The following TMEM132D variants were observed in gnomAD, a reference collection of about 807,000 sequenced individuals.
TMEM132D encodes the protein transmembrane protein 132D.
TMEM132D carries 21 observed loss-of-function variants against 62.3 expected under a neutral mutation model. That is an observed-to-expected ratio of 0.34 (90% CI 0.24 to 0.49). The LOEUF (loss-of-function observed/expected upper bound fraction) is 0.49, where lower values mean the gene tolerates loss of function less well. Among genes scored for constraint, TMEM132D ranks in the 20% least tolerant of loss-of-function variants. TMEM132D has a pLI of 0.99. For synonymous variants in TMEM132D, 621 were observed against 575.6 expected, an observed-to-expected ratio of 1.08 and a Z score of -1.13; for missense variants, 1,346 against 1,402.8, an observed-to-expected ratio of 0.96 and a Z score of 0.65.
chr12:129,341,695 A>G (rs1417931039), intron 3 of TMEM132D, among the ~76,000 whole-genome samples: 1 of 152,256 alleles, frequency 6.6e-6, no homozygotes, highest in Non-Finnish European at 1.5e-5. Flanking sequence ...GAAGTTGCTT[A>G]TCAGCTTGAG....
Position 129,881,355 on chromosome 12 carries a change from T to C in TMEM132D, c.79+21906A>G, listed in dbSNP as rs540313388. On this transcript the variant is annotated intron_variant, in intron 1 of 8. Coordinates refer to ENST00000422113, the MANE Select transcript of TMEM132D (RefSeq NM_133448.3). The stretch of plus-strand genomic sequence containing the variant: ...ATCTGGTATGAACCAACTCATCTAA[T>C]TGACATTTACAGAGCACTCCTCACA... 1.8e-4 allele frequency among the ~76,000 whole-genome samples: 28 copies of C among 152,156 alleles called. 1 individual carries two copies. Among genetic ancestry groups the C allele is most frequent in the Admixed American group, 9.2e-4 (14 of 15,284 alleles).
chr12:129,349,680 A>G (rs1869804301), intron 3 of TMEM132D, among the ~76,000 whole-genome samples: 1 of 152,214 alleles, frequency 6.6e-6, no homozygotes, highest in Non-Finnish European at 1.5e-5. Flanking sequence ...AAGATCGGCA[A>G]GTAGGTTATA....
chr12:129,588,748 C>CTTTTTTTT (rs869239504), intron 2 of TMEM132D, among the ~76,000 whole-genome samples: 1 of 34,340 alleles, frequency 2.9e-5, no homozygotes, highest in African/African-American at 9.4e-5. Flanking sequence ...CTATTTTTTT[C>CTTTTTTTT]TTTTTTTTTT....
At chr12:129,103,112 G>A (rs1875369387) in intron 5 of TMEM132D, among the ~76,000 whole-genome samples, 1 of 152,166 alleles carries the variant, frequency 6.6e-6, no homozygotes, top group South Asian at 2.1e-4. Context: ...ATCAGCATAT[G>A]TTTGATTTAC....
chr12:129,589,667 GGCTGCTT>G (rs1025738805), intron 2 of TMEM132D, among the ~76,000 whole-genome samples: 4 of 152,154 alleles, frequency 2.6e-5, no homozygotes, highest in African/African-American at 9.7e-5. Context: ...TCCTTTGGTT[GGCTGCTT>G]GATGACTTGT....
chr12:129,589,247 T>C (rs753802342), intron 2 of TMEM132D, among the ~76,000 whole-genome samples: 29 of 152,200 alleles, frequency 1.9e-4, no homozygotes, highest in Admixed American at 2.0e-4. Context: ...GATCTGATGG[T>C]TTTATGAGGG....
At chr12:129,853,588 C>T (rs759953956) in intron 1 of TMEM132D, 4 of 152,114 alleles carry the variant, frequency 2.6e-5, no homozygotes, top group South Asian at 2.1e-4. Flanking sequence ...TAACTGGAAC[C>T]GATGGTTTGA....
chr12:129,556,437 T>A (rs1264918164), intron 2 of TMEM132D, among the ~76,000 whole-genome samples: 1 of 151,308 alleles, frequency 6.6e-6, no homozygotes, highest in Non-Finnish European at 1.5e-5. Flanking sequence ...CTGGTTCTTA[T>A]CATGTCTTCC....
chr12:129,349,950 C>A (rs773381939), intron 3 of TMEM132D, among the ~76,000 whole-genome samples: 1 of 152,188 alleles, frequency 6.6e-6, no homozygotes, highest in Non-Finnish European at 1.5e-5. Context: ...GGAGGTCAGT[C>A]TTCGGGGAAA....
chr12:129,235,322 G>T (rs1352596979), intron 4 of TMEM132D, among the ~76,000 whole-genome samples: 3 of 151,144 alleles, frequency 2.0e-5, no homozygotes, highest in African/African-American at 7.3e-5. Context: ...CCATAATCCA[G>T]ATTTAGAATA....
At chr12:129,623,417 G>A (rs1249973856) in intron 2 of TMEM132D, among the ~76,000 whole-genome samples, 1 of 151,750 alleles carries the variant, frequency 6.6e-6, no homozygotes, top group East Asian at 1.9e-4. Flanking sequence ...GGTGATTTTT[G>A]TATCCTTCAT....
In TMEM132D at chr12:129,415,582, G is replaced by C. The variant is rs1393885431; in HGVS notation, c.1116-77765C>G. The stretch of plus-strand genomic sequence containing the variant: ...AGGAACTGTGACTCACAAGATGCCT[G>C]CTGTGATCAGGCCAAAGTGGAAGTG... On this transcript the variant is annotated intron_variant, in intron 3 of 8. Transcript: ENST00000422113. Among the ~76,000 whole-genome samples the C allele has an allele frequency of 2.0e-5, 3 of 152,234 alleles. No individual in the cohort carries two copies. In the East Asian group the frequency reaches 5.8e-4, roughly 29 times the overall value.
In TMEM132D at chr12:129,779,736, C is replaced by T. The variant is rs1268163996; in HGVS notation, c.80-79038G>A. On this transcript the variant is annotated intron_variant, in intron 1 of 8. Transcript: ENST00000422113. This position sits in a 1 kb window ranked among gnomAD's most constrained non-coding sequence, Gnocchi z 4.1. Reference sequence around the variant, plus strand: ...GCTCTTGTTCTGGCGAGTCTCATTACTTATGGTTTATTCTGGGAACAGGAT... The same window carrying T: ...GCTCTTGTTCTGGCGAGTCTCATTATTTATGGTTTATTCTGGGAACAGGAT... 6.6e-6 allele frequency among the ~76,000 whole-genome samples: 1 copy of T among 152,116 alleles called. No homozygotes were observed. Among genetic ancestry groups the T allele is most frequent in the Non-Finnish European group, 1.5e-5 (1 of 68,030 alleles).
At chr12:129,841,556 G>GGT (rs1873195474) in intron 1 of TMEM132D, among the ~76,000 whole-genome samples, 1 of 152,060 alleles carries the variant, frequency 6.6e-6, no homozygotes. Context: ...ATAGTAATGA[G>GGT]GTGCACTGAA....
intron 6 of TMEM132D, among the ~76,000 whole-genome samples, chr12:129,083,359 C>G (rs1158908943): frequency 2.0e-5 from 3 of 152,252 alleles, no homozygotes; most frequent in Non-Finnish European, 4.4e-5. Flanking sequence ...ACTCACTCCA[C>G]TGCCATGTCT....
intron 1 of TMEM132D, among the ~76,000 whole-genome samples, chr12:129,809,444 G>GTGCC (rs1195438876): frequency 2.0e-5 from 3 of 152,212 alleles, no homozygotes; most frequent in Non-Finnish European, 4.4e-5. Context: ...ACACCCTGGG[G>GTGCC]TGCCAGCTGG....
intron 5 of TMEM132D, among the ~76,000 whole-genome samples, chr12:129,138,546 C>A (rs537884265): frequency 6.6e-6 from 1 of 152,126 alleles, no homozygotes; most frequent in South Asian, 2.1e-4. Context: ...GGTGAAGAAA[C>A]CCCGTCTCTA....
chr12:129,635,470 G>A (rs920307136), intron 2 of TMEM132D, among the ~76,000 whole-genome samples: 3 of 152,288 alleles, frequency 2.0e-5, no homozygotes, highest in Middle Eastern at 3.4e-3. Context: ...CTGTGCAGTC[G>A]CCCTCCTTAA....
intron 5 of TMEM132D, among the ~76,000 whole-genome samples, chr12:129,121,953 A>T (rs1283966137): frequency 6.6e-6 from 1 of 152,166 alleles, no homozygotes; most frequent in East Asian, 1.9e-4. Context: ...AAGTGGGTGG[A>T]TGAAAATGGG....
Sources: allele counts gnomAD v4.1 joint callset (sites outside exome capture counted in the v4.1 genomes callset), GRCh38; gene constraint gnomAD v4.1.1; non-coding constraint Gnocchi (gnomAD v3.1); transcripts MANE v1.5; gene names NCBI Gene and HGNC (gene_info 2026-07-23, HGNC 2026-07-21).